Variants in VAV1 observed in about 807,000 individuals in gnomAD.
VAV1 encodes the protein proto-oncogene vav.
VAV1 carries 33 observed loss-of-function variants against 128.1 expected under a neutral mutation model. That is an observed-to-expected ratio of 0.26 (90% CI 0.20 to 0.34). The LOEUF (loss-of-function observed/expected upper bound fraction) is 0.34. Ranked by LOEUF, VAV1 falls within the 10% of genes least tolerant of loss-of-function variation. VAV1 has a pLI of 1.00. For synonymous variants in VAV1, 394 were observed against 409.8 expected, an observed-to-expected ratio of 0.96 and a Z score of 0.47; for missense variants, 715 against 1,093.7, an observed-to-expected ratio of 0.65 and a Z score of 4.88.
rs186136430 is a variant in VAV1, at chr19:6,808,569, C to T, written c.205-12133C>T. Among the ~76,000 whole-genome samples the T allele has an allele frequency of 2.5e-3, 388 of 152,272 alleles. 3 individuals carry two copies. Among genetic ancestry groups the T allele is most frequent in the Non-Finnish European group, 2.4e-3 (164 of 68,030 alleles). On this transcript the variant is annotated intron_variant, in intron 1 of 26. Transcript: ENST00000602142. ...ACCAGCTCCTCCTGTTCTGTTCTTC[C>T]GCCACCTGTGAATTTCCTTTGTCCT...
chr19:6,838,989 G>A (rs987098381), intron 21 of VAV1, among the ~76,000 whole-genome samples: 4 of 151,818 alleles, frequency 2.6e-5, no homozygotes, highest in East Asian at 1.9e-4. Flanking sequence ...TGCAACCTCC[G>A]CCTTCCGGTT....
intron 20 of VAV1, 79 bp downstream of exon 20, chr19:6,836,647 G>A: frequency 2.5e-6 from 4 of 1,568,880 alleles, no homozygotes; most frequent in Admixed American, 1.8e-5. Flanking sequence ...AGGGAGTTGG[G>A]TCATAGTTCC....
chr19:6,805,029 G>A (rs1568294515), intron 1 of VAV1, among the ~76,000 whole-genome samples: 1 of 151,102 alleles, frequency 6.6e-6, no homozygotes, highest in Non-Finnish European at 1.5e-5. Flanking sequence ...CCGCCCCCCG[G>A]CCCATACCTC....
chr19:6,784,219 T>G (rs1048357943), intron 1 of VAV1: 40 of 655,274 alleles, frequency 6.1e-5, no homozygotes, highest in Non-Finnish European at 9.2e-5. Flanking sequence ...GTGCTACCAC[T>G]GTACTCCAGA....
At chr19:6,784,788 C>T (rs774885640) in intron 1 of VAV1, among the ~76,000 whole-genome samples, 1 of 152,052 alleles carries the variant, frequency 6.6e-6, no homozygotes, top group East Asian at 1.9e-4. Context: ...GCCACCATGC[C>T]CAGCCTCCAT....
intron 6 of VAV1, among the ~76,000 whole-genome samples, chr19:6,823,684 G>T (rs371130628): frequency 2.2e-4 from 33 of 151,402 alleles, no homozygotes; most frequent in Non-Finnish European, 4.6e-4. Flanking sequence ...GTCTCCTCTC[G>T]CTACTTTCTT....
At chr19:6,821,539 C>T (rs997376304) in intron 2 of VAV1, 83 bp from the exon 3 acceptor site, 23 of 1,552,676 alleles carry the variant, frequency 1.5e-5, no homozygotes, top group Admixed American at 5.0e-5. Flanking sequence ...TCTAGCGCCT[C>T]AGACAGAGCC....
intron 21 of VAV1, among the ~76,000 whole-genome samples, chr19:6,840,222 G>A (rs1972335318): frequency 6.6e-6 from 1 of 151,764 alleles, no homozygotes; most frequent in Non-Finnish European, 1.5e-5. Context: ...TACAGTATTT[G>A]TCCTTTGTGT....
intron 1 of VAV1, among the ~76,000 whole-genome samples, chr19:6,808,423 C>A (rs1176134003): frequency 6.6e-6 from 1 of 152,148 alleles, no homozygotes; most frequent in Non-Finnish European, 1.5e-5. Flanking sequence ...GTAAGTCACT[C>A]TATGTAGCAG....
At chr19:6,835,167 C>T (rs185562227) in intron 19 of VAV1, among the ~76,000 whole-genome samples, 5 of 151,394 alleles carry the variant, frequency 3.3e-5, no homozygotes, top group African/African-American at 9.7e-5. Context: ...AGAAACAACC[C>T]GTGTCCTTTG....
At chr19:6,817,773 A>G (rs940812061) in intron 1 of VAV1, among the ~76,000 whole-genome samples, 1 of 151,706 alleles carries the variant, frequency 6.6e-6, no homozygotes, top group African/African-American at 2.4e-5. Flanking sequence ...CGCAGCCTCC[A>G]CCTCCTGGGC....
chr19:6,798,224 C>A (rs559665525), intron 1 of VAV1, among the ~76,000 whole-genome samples: 1 of 151,748 alleles, frequency 6.6e-6, no homozygotes, highest in Non-Finnish European at 1.5e-5. Flanking sequence ...TTGCAGTGAG[C>A]GGAGATCGCA....
At chr19:6,816,926 T>C (rs1485585558) in intron 1 of VAV1, among the ~76,000 whole-genome samples, 1 of 151,444 alleles carries the variant, frequency 6.6e-6, no homozygotes, top group African/African-American at 2.4e-5. Context: ...ATGGTGCCAC[T>C]GCCCTCCAGC....
At position 6,784,531 on chromosome 19, in the gene VAV1, TC is replaced by T. The variant is rs1211378556; in HGVS notation, c.204+11521del. 2.0e-5 allele frequency among the ~76,000 whole-genome samples: 3 copies of T among 149,088 alleles called. No individual in the cohort carries two copies. In the East Asian group the frequency reaches 6.0e-4, roughly 30 times the overall value. On this transcript the variant is annotated intron_variant, in intron 1 of 26. Coordinates refer to ENST00000602142, the MANE Select transcript of VAV1 (RefSeq NM_005428.4). ...TTTTTTGAGACAGAGTTTCACTCTCTCTCCCAGGCTGGAGTGCAGTGGCACA... is the reference window on the plus strand; with the variant it reads ...TTTTTTGAGACAGAGTTTCACTCTCTTCCCAGGCTGGAGTGCAGTGGCACA...
Position 6,798,224 on chromosome 19 carries a change from C to T in VAV1, c.205-22478C>T, listed in dbSNP as rs559665525. ...CCTGGGAGGCGGAGGTTGCAGTGAG[C>T]GGAGATCGCATCATTGCACTCCAGC... On this transcript the variant is annotated intron_variant, in intron 1 of 26. Transcript: ENST00000602142. 1.8e-4 allele frequency among the ~76,000 whole-genome samples: 28 copies of T among 151,862 alleles called. No individual in the cohort carries two copies. The South Asian group carries it at 5.4e-3, about 29-fold the overall frequency.
chr19:6,852,938 G>C, intron 24 of VAV1, 27 bp from the exon 25 acceptor site: 1 of 1,593,046 alleles, frequency 6.3e-7, no homozygotes, highest in Non-Finnish European at 8.6e-7. Context: ...CGCTGGGATA[G>C]CATCTGCCAT....
chr19:6,802,560 C>T (rs8106212), intron 1 of VAV1, among the ~76,000 whole-genome samples: 4,654 of 152,124 alleles, frequency 0.031, 145 homozygotes, highest in African/African-American at 0.076. Context: ...AAGCTGTCTC[C>T]GGGTTCAGCT....
chr19:6,791,429 T>C (rs1971016679), intron 1 of VAV1, among the ~76,000 whole-genome samples: 1 of 151,890 alleles, frequency 6.6e-6, no homozygotes, highest in Non-Finnish European at 1.5e-5. Context: ...TTGAGCTATC[T>C]CATCTCAAGG....
chr19:6,814,952 TC>T (rs1404302762), intron 1 of VAV1, among the ~76,000 whole-genome samples: 3 of 151,762 alleles, frequency 2.0e-5, no homozygotes, highest in Non-Finnish European at 2.9e-5. Flanking sequence ...GAGATTTTTT[TC>T]CCCCTCTTTC....
Sources: gnomAD v4.1 joint callset for allele counts (sites outside exome capture counted in the v4.1 genomes callset) on GRCh38, gnomAD v4.1.1 for gene constraint, MANE v1.5 for transcripts, NCBI Gene and HGNC (gene_info 2026-07-23, HGNC 2026-07-21) for gene names.